The following SOX6 variants were observed in gnomAD, a reference collection of about 807,000 sequenced individuals.
SOX6 encodes SRY-box transcription factor 6, also known as transcription factor SOX-6.
SOX6 carries 11 observed loss-of-function variants against 97.8 expected under a neutral mutation model. The ratio of observed to expected loss-of-function variants is 0.11; its 90% CI spans 0.07 to 0.19. The LOEUF is 0.19. Ranked by LOEUF, SOX6 falls within the 10% of genes least tolerant of loss-of-function variation. SOX6 has a pLI of 1.00. For missense variants in SOX6, 810 were observed against 1,039.5 expected, an observed-to-expected ratio of 0.78 and a Z score of 3.04; for synonymous variants, 360 against 371.4, an observed-to-expected ratio of 0.97 and a Z score of 0.35.
intron 1 of SOX6, among the ~76,000 whole-genome samples, chr11:16,422,386 A>T (rs1692813633): frequency 6.6e-6 from 1 of 152,222 alleles, no homozygotes; most frequent in Admixed American, 6.5e-5. Flanking sequence ...GATTGACATA[A>T]AATAGTTTCA....
At chr11:16,255,184 T>C (rs1025397581) in intron 3 of SOX6, among the ~76,000 whole-genome samples, 2 of 152,016 alleles carry the variant, frequency 1.3e-5, no homozygotes, top group African/African-American at 2.4e-5. Flanking sequence ...CACCCCTCTA[T>C]GAGAAGTGGA....
intron 1 of SOX6, among the ~76,000 whole-genome samples, chr11:16,379,989 A>G (rs1857762444): frequency 6.6e-6 from 1 of 151,810 alleles, no homozygotes; most frequent in Non-Finnish European, 1.5e-5. Flanking sequence ...TATAATATAA[A>G]TATTTGATAC....
chr11:16,531,539 C>T (rs536455388), intron 4 of SOX6, among the ~76,000 whole-genome samples: 110 of 151,680 alleles, frequency 7.3e-4, no homozygotes, highest in African/African-American at 2.6e-3. Flanking sequence ...TATTACATTC[C>T]TATTTTTTTA....
chr11:16,553,925 T>C (rs1011502954), intron 4 of SOX6, among the ~76,000 whole-genome samples: 2 of 152,110 alleles, frequency 1.3e-5, no homozygotes, highest in Non-Finnish European at 2.9e-5. Flanking sequence ...TGACCTTGAT[T>C]CTTAAATATA....
chr11:16,303,373 A>G (rs1162210656), intron 3 of SOX6, among the ~76,000 whole-genome samples: 1 of 152,234 alleles, frequency 6.6e-6, no homozygotes, highest in Non-Finnish European at 1.5e-5. Context: ...AGGCAAGATC[A>G]ATAAATGTAA....
At chr11:16,092,417 G>T (rs547808616) in intron 9 of SOX6, among the ~76,000 whole-genome samples, 1 of 151,936 alleles carries the variant, frequency 6.6e-6, no homozygotes, top group Admixed American at 6.6e-5. Flanking sequence ...TGGCAGTGCC[G>T]CCAGTGACTG....
chr11:16,701,753 G>A (rs1207321087), intron 3 of SOX6, among the ~76,000 whole-genome samples: 1 of 148,388 alleles, frequency 6.7e-6, no homozygotes. Flanking sequence ...CTACTCAGGG[G>A]CGGGCGGGAC....
intron 1 of SOX6, among the ~76,000 whole-genome samples, chr11:16,353,973 T>A (rs947136285): frequency 1.3e-5 from 2 of 152,010 alleles, no homozygotes; most frequent in African/African-American, 4.8e-5. Flanking sequence ...CTTTTTAGAT[T>A]TCTTCAAAAG....
intron 3 of SOX6, among the ~76,000 whole-genome samples, chr11:16,645,408 T>C (rs150217113): frequency 1.1e-4 from 17 of 152,336 alleles, no homozygotes; most frequent in African/African-American, 2.2e-4. Context: ...AACATCCAAT[T>C]TCTAGATATC....
In SOX6 at chr11:16,648,661, G is replaced by A. The variant is rs1048022083; in HGVS notation, n.430-36401C>T. Among the ~76,000 whole-genome samples, 62 of 152,226 alleles carry A rather than the reference G, an allele frequency of 4.1e-4. 1 individual carries two copies. The highest frequency in any genetic ancestry group is 1.2e-3 in the Admixed American group (18 of 15,278). On this transcript the variant is annotated intron_variant and non_coding_transcript_variant, in intron 3 of 5. Coordinates refer to the SOX6 transcript ENST00000524520. The stretch of plus-strand genomic sequence containing the variant: ...CCACTGCCTATAACATCCTGAAATA[G>A]TCTACCCAAATGAGAAGGAACTAGA...
intron 3 of SOX6, among the ~76,000 whole-genome samples, chr11:16,267,821 T>G (rs1854127196): frequency 6.6e-6 from 1 of 151,470 alleles, no homozygotes; most frequent in African/African-American, 2.4e-5. Context: ...GATGAATGGA[T>G]AAAGAAAATG....
chr11:16,709,615 T>A (rs1590060101), intron 3 of SOX6, among the ~76,000 whole-genome samples: 1 of 152,144 alleles, frequency 6.6e-6, no homozygotes, highest in Non-Finnish European at 1.5e-5. Context: ...CCCTGAGGCC[T>A]CCCCAGAAGC....
At chr11:16,160,159 T>C (rs1485164497) in intron 6 of SOX6, among the ~76,000 whole-genome samples, 5 of 152,142 alleles carry the variant, frequency 3.3e-5, no homozygotes, top group Non-Finnish European at 7.4e-5. Flanking sequence ...ACAACACTTG[T>C]AAACAGGAAA....
At chr11:16,507,372 C>A (rs1860805777) in intron 4 of SOX6, among the ~76,000 whole-genome samples, 1 of 152,048 alleles carries the variant, frequency 6.6e-6, no homozygotes, top group Non-Finnish European at 1.5e-5. Flanking sequence ...CAATCCCTAT[C>A]AAAATACCAA....
chr11:16,561,942 G>T (rs1030729377), intron 4 of SOX6, among the ~76,000 whole-genome samples: 2 of 151,854 alleles, frequency 1.3e-5, no homozygotes, highest in South Asian at 2.1e-4. Context: ...GCCCAGGCAG[G>T]TCTCTAACTC....
At chr11:16,498,911 G>T (rs1230408023) in intron 4 of SOX6, among the ~76,000 whole-genome samples, 1 of 152,080 alleles carries the variant, frequency 6.6e-6, no homozygotes, top group Non-Finnish European at 1.5e-5. Context: ...GAGACAGAAA[G>T]TTAACAAGCA....
At chr11:16,080,658 G>A (rs1176514642) in intron 9 of SOX6, among the ~76,000 whole-genome samples, 4 of 152,174 alleles carry the variant, frequency 2.6e-5, no homozygotes, top group African/African-American at 9.7e-5. Context: ...AGATGAAGAA[G>A]ATATGCTGTC....
intron 3 of SOX6, among the ~76,000 whole-genome samples, chr11:16,235,379 G>A (rs529967299): frequency 5.3e-5 from 8 of 152,024 alleles, no homozygotes; most frequent in African/African-American, 1.4e-4. Flanking sequence ...GATTCATAAA[G>A]ACTACAGAAA....
At chr11:16,384,196 C>T (rs1405027102) in intron 1 of SOX6, among the ~76,000 whole-genome samples, 1 of 124,806 alleles carries the variant, frequency 8.0e-6, no homozygotes, top group African/African-American at 3.0e-5. Flanking sequence ...CTTCTTTAAC[C>T]TTTCTATTTT....
Sources: gnomAD v4.1 joint callset for allele counts (sites outside exome capture counted in the v4.1 genomes callset) on GRCh38, gnomAD v4.1.1 for gene constraint, MANE v1.5 for transcripts, NCBI Gene and HGNC (gene_info 2026-07-23, HGNC 2026-07-21) for gene names.